Variants in GPM6A observed in about 807,000 individuals in gnomAD.
The protein encoded by GPM6A is neuronal membrane glycoprotein M6-a.
GPM6A carries 7 observed loss-of-function variants against 32.1 expected under a neutral mutation model. The observed-to-expected ratio is 0.22, with a 90% CI of 0.12 to 0.41. The LOEUF is 0.41. GPM6A is among the 10% of genes least tolerant of loss of function. The probability of loss-of-function intolerance (pLI) is 1.00; values close to 1 mark genes in which losing one functional copy is unlikely to be tolerated. For missense variants in GPM6A, 235 were observed against 347.2 expected, an observed-to-expected ratio of 0.68 and a Z score of 2.57; for synonymous variants, 130 against 123.4, an observed-to-expected ratio of 1.05 and a Z score of -0.35.
chr4:175,700,808 A>C (rs1300183644), intron 2 of GPM6A, among the ~76,000 whole-genome samples: 1 of 152,170 alleles, frequency 6.6e-6, no homozygotes, highest in Non-Finnish European at 1.5e-5. Context: ...CATGGGCATA[A>C]AAATCACTGA....
intron 1 of GPM6A, among the ~76,000 whole-genome samples, chr4:175,716,926 T>G (rs745347604): frequency 2.0e-5 from 3 of 152,160 alleles, no homozygotes; most frequent in Non-Finnish European, 4.4e-5. Context: ...TGGAAACAGA[T>G]TTGTCTATAT....
intron 3 of GPM6A, among the ~76,000 whole-genome samples, chr4:175,672,312 A>G (rs1743126353): frequency 6.6e-6 from 1 of 152,212 alleles, no homozygotes; most frequent in African/African-American, 2.4e-5. Context: ...AGCTTTAGAA[A>G]TGATCCTCAT....
chr4:175,996,323 T>C (rs116627686), intron 1 of GPM6A, among the ~76,000 whole-genome samples: 69 of 152,326 alleles, frequency 4.5e-4, no homozygotes, highest in African/African-American at 1.5e-3. Flanking sequence ...AAGAAAAGTA[T>C]GGTGAAACCC....
At chr4:175,769,619 T>C (rs1295509803) in intron 1 of GPM6A, among the ~76,000 whole-genome samples, 2 of 149,998 alleles carry the variant, frequency 1.3e-5, no homozygotes, top group Non-Finnish European at 3.0e-5. Flanking sequence ...CAGCCAACTT[T>C]TACACCATTA....
chr4:175,933,732 G>A (rs1739130552), intron 1 of GPM6A, among the ~76,000 whole-genome samples: 2 of 152,094 alleles, frequency 1.3e-5, no homozygotes, highest in African/African-American at 4.8e-5. Flanking sequence ...TTTTAGTGGA[G>A]ACAGGGTTTC....
In GPM6A at chr4:175,991,818, G is replaced by A. The variant is rs963467242; in HGVS notation, c.-23+10491C>T. ...AAAAAAAACACAATATATTTGTTTCGGATGTATAGACTAGGATTTAACCAT... is the reference window on the plus strand; with the variant it reads ...AAAAAAAACACAATATATTTGTTTCAGATGTATAGACTAGGATTTAACCAT... On this transcript the variant is annotated intron_variant, in intron 1 of 7. Coordinates refer to the GPM6A transcript ENST00000280187. 8.6e-5 allele frequency among the ~76,000 whole-genome samples: 13 copies of A among 151,696 alleles called. No homozygotes were observed. The South Asian group carries it at 1.5e-3, about 17-fold the overall frequency.
intron 1 of GPM6A, among the ~76,000 whole-genome samples, chr4:175,714,471 C>A (rs1001770791): frequency 2.0e-5 from 3 of 152,066 alleles, no homozygotes; most frequent in Non-Finnish European, 4.4e-5. Flanking sequence ...GCAGCCTTGA[C>A]CTCCAGGACT....
intron 1 of GPM6A, among the ~76,000 whole-genome samples, chr4:175,834,138 G>A (rs1234651773): frequency 7.9e-6 from 1 of 126,262 alleles, no homozygotes; most frequent in Non-Finnish European, 1.8e-5. Context: ...GATGTGTTAC[G>A]ATTTACTCAA....
At chr4:175,755,012 ACTATGT>A (rs536239784) in intron 1 of GPM6A, among the ~76,000 whole-genome samples, 26 of 151,886 alleles carry the variant, frequency 1.7e-4, no homozygotes, top group Non-Finnish European at 3.4e-4. Flanking sequence ...GCACTTTTCA[ACTATGT>A]CTCAAGAATT....
intron 1 of GPM6A, among the ~76,000 whole-genome samples, chr4:175,985,761 C>T (rs2126450925): frequency 6.6e-6 from 1 of 152,140 alleles, no homozygotes; most frequent in East Asian, 1.9e-4. Flanking sequence ...TAATTTTTAT[C>T]ATAAGTTAAT....
intron 1 of GPM6A, among the ~76,000 whole-genome samples, chr4:175,772,102 TA>T (rs1418595277): frequency 6.6e-6 from 1 of 152,196 alleles, no homozygotes; most frequent in East Asian, 1.9e-4. Context: ...AGGGGAAGGA[TA>T]AGGGTATCTT....
At chr4:175,956,621 C>T (rs191830126) in intron 1 of GPM6A, among the ~76,000 whole-genome samples, 226 of 152,120 alleles carry the variant, frequency 1.5e-3, no homozygotes, top group African/African-American at 5.2e-3. Flanking sequence ...AGCCATCTAC[C>T]AGTTAAAAAG....
At chr4:175,977,502 T>G (rs921115761) in intron 1 of GPM6A, among the ~76,000 whole-genome samples, 1 of 152,160 alleles carries the variant, frequency 6.6e-6, no homozygotes, top group Non-Finnish European at 1.5e-5. Flanking sequence ...GCCTAGATAT[T>G]CCTAGTGAAT....
intron 1 of GPM6A, among the ~76,000 whole-genome samples, chr4:175,810,483 C>G (rs1734874355): frequency 6.6e-6 from 1 of 152,106 alleles, no homozygotes; most frequent in African/African-American, 2.4e-5. Context: ...CCCCTCACGG[C>G]ATAGCCACCT....
At chr4:175,663,904 A>G (rs1742583151) in intron 3 of GPM6A, among the ~76,000 whole-genome samples, 1 of 152,036 alleles carries the variant, frequency 6.6e-6, no homozygotes, top group Non-Finnish European at 1.5e-5. Flanking sequence ...GTGTTAGCCA[A>G]GATGGTCTCT....
chr4:175,771,391 G>T (rs1307877445), intron 1 of GPM6A, among the ~76,000 whole-genome samples: 2 of 151,966 alleles, frequency 1.3e-5, no homozygotes, highest in Admixed American at 1.3e-4. Context: ...GGCCAACATG[G>T]CGAAACCCTG....
chr4:175,886,579 C>T (rs576688018), intron 1 of GPM6A, among the ~76,000 whole-genome samples: 37 of 151,816 alleles, frequency 2.4e-4, no homozygotes, highest in Non-Finnish European at 3.5e-4. Context: ...ATTAAGACTG[C>T]GTCACATCAT....
At chr4:175,811,053 CGT>C (rs146081744) in intron 1 of GPM6A, among the ~76,000 whole-genome samples, 26 of 149,732 alleles carry the variant, frequency 1.7e-4, no homozygotes, top group South Asian at 6.3e-4. Context: ...TCCTTTATTA[CGT>C]GTGTGTGTGT....
At chr4:176,002,055 C>A (rs1741500336) in intron 1 of GPM6A, among the ~76,000 whole-genome samples, 3 of 152,140 alleles carry the variant, frequency 2.0e-5, no homozygotes, top group Non-Finnish European at 2.9e-5. Context: ...AAGCGCAGCC[C>A]CCCACCCTCC....
Sources: allele counts gnomAD v4.1 joint callset (sites outside exome capture counted in the v4.1 genomes callset), GRCh38; gene constraint gnomAD v4.1.1; transcripts MANE v1.5; gene names NCBI Gene and HGNC (gene_info 2026-07-23, HGNC 2026-07-21).